The following FRAS1 variants were observed in gnomAD, a reference collection of about 807,000 sequenced individuals.
FRAS1 encodes Fraser extracellular matrix complex subunit 1, also known as extracellular matrix organizing protein FRAS1.
A neutral mutation model predicts 435.2 loss-of-function variants in FRAS1; 290 were observed. The ratio of observed to expected loss-of-function variants is 0.67; its 90% CI spans 0.61 to 0.73. FRAS1 has a LOEUF of 0.73. FRAS1 is among the 30% of genes least tolerant of loss of function. The pLI, the probability that FRAS1 is intolerant of heterozygous loss-of-function variation, is 0.00. For synonymous variants in FRAS1, 1,800 were observed against 1,851.0 expected (o/e 0.97, Z 0.71); for missense variants, 4,860 against 5,001.5 (o/e 0.97, Z 0.85).
intron 44 of FRAS1, among the ~76,000 whole-genome samples, chr4:78,449,822 T>C (rs1278553915): frequency 6.6e-6 from 1 of 152,222 alleles, no homozygotes. Context: ...CTAGGAGTTA[T>C]TTTTGTCACA....
At chr4:78,254,486 G>A (rs998086339) in intron 5 of FRAS1, among the ~76,000 whole-genome samples, 1 of 152,106 alleles carries the variant, frequency 6.6e-6, no homozygotes, top group African/African-American at 2.4e-5. Flanking sequence ...ACCAGAAAAG[G>A]ACTGACAGAC....
chr4:78,494,458 G>T (rs955109233), intron 59 of FRAS1, among the ~76,000 whole-genome samples: 2 of 152,106 alleles, frequency 1.3e-5, no homozygotes, highest in Non-Finnish European at 2.9e-5. Flanking sequence ...AGGGGAGCAG[G>T]CATCATCACA....
At chr4:78,360,066 T>C (rs981580558) in intron 20 of FRAS1, among the ~76,000 whole-genome samples, 1 of 152,114 alleles carries the variant, frequency 6.6e-6, no homozygotes, top group Non-Finnish European at 1.5e-5. Flanking sequence ...ATTAGGAGGA[T>C]AGAAAAAGTT....
At chr4:78,391,028 T>G (rs1409285286) in intron 29 of FRAS1, among the ~76,000 whole-genome samples, 1 of 152,146 alleles carries the variant, frequency 6.6e-6, no homozygotes, top group Non-Finnish European at 1.5e-5. Flanking sequence ...TTCAGTACCT[T>G]TTTTGGTTTT....
intron 6 of FRAS1, among the ~76,000 whole-genome samples, chr4:78,255,603 G>A (rs1222388762): frequency 6.6e-6 from 1 of 152,176 alleles, no homozygotes; most frequent in Admixed American, 6.5e-5. Context: ...TAATGCAACT[G>A]AGCCTTGAGG....
intron 61 of FRAS1, among the ~76,000 whole-genome samples, chr4:78,500,635 T>C (rs1720646883): frequency 6.6e-6 from 1 of 152,152 alleles, no homozygotes; most frequent in Non-Finnish European, 1.5e-5. Flanking sequence ...TTTTTAGAGC[T>C]GTCTTGGCAA....
At chr4:78,502,202 C>T (rs954620993) in intron 61 of FRAS1, among the ~76,000 whole-genome samples, 1 of 152,252 alleles carries the variant, frequency 6.6e-6, no homozygotes, top group African/African-American at 2.4e-5. Context: ...GCAATGAGGG[C>T]TCTTTTTTGG....
In FRAS1 at chr4:78,065,994, T is replaced by C. The variant is rs767332128; in HGVS notation, c.86T>C (p.Val29Ala). The C allele has an allele frequency of 6.2e-7, 1 of 1,607,432 alleles. No individual in the cohort carries two copies. Among genetic ancestry groups the C allele is most frequent in the South Asian group, 1.1e-5 (1 of 90,702 alleles). The stretch of plus-strand genomic sequence containing the variant: ...TTGTTTTTCCCCACAGGTGCTTGTG[T>C]CTATCAGGATTCCTTGTTGGCGGTA... ...VLPHHSEGACVYQDSLLADAT... is the reference protein window; with the variant it reads ...VLPHHSEGACAYQDSLLADAT... The change falls in exon 2 of 74, where the codon GTC (valine) becomes GCC (alanine). Residue 29 changes from valine (V) to alanine (A), a missense_variant. Physicochemically the swap from Val to Ala is moderately conservative, Grantham distance 64 (BLOSUM62 0). Coordinates refer to ENST00000512123, the MANE Select transcript of FRAS1 (RefSeq NM_025074.7).
chr4:78,251,243 A>G (rs528791331), intron 4 of FRAS1, among the ~76,000 whole-genome samples: 3 of 152,230 alleles, frequency 2.0e-5, no homozygotes, highest in Non-Finnish European at 4.4e-5. Flanking sequence ...AGCAGAAGTA[A>G]GAATGGATGG....
chr4:78,140,718 T>C (rs1349896352), intron 2 of FRAS1, among the ~76,000 whole-genome samples: 9 of 148,506 alleles, frequency 6.1e-5, no homozygotes, highest in African/African-American at 2.3e-4. Flanking sequence ...TACGTGTGTG[T>C]ATATGTATAT....
chr4:78,369,491 A>AAGGGGG (rs1185733092), intron 22 of FRAS1, among the ~76,000 whole-genome samples: 1 of 152,226 alleles, frequency 6.6e-6, no homozygotes, highest in African/African-American at 2.4e-5. Flanking sequence ...TTATGAACTT[A>AAGGGGG]AGGGGGCTTG....
intron 2 of FRAS1, among the ~76,000 whole-genome samples, chr4:78,112,612 G>T (rs1742807680): frequency 6.6e-6 from 1 of 152,034 alleles, no homozygotes; most frequent in Non-Finnish European, 1.5e-5. Flanking sequence ...AGTAGTACTT[G>T]TTCTTGCCAA....
intron 58 of FRAS1, 39 bp from the exon 59 acceptor site, chr4:78,488,836 C>T (rs1315095972): frequency 1.3e-6 from 2 of 1,577,018 alleles, no homozygotes; most frequent in Non-Finnish European, 1.7e-6. Flanking sequence ...TCCCTGTCTT[C>T]CACTAATGGT....
chr4:78,472,303 G>A lies in FRAS1; in HGVS notation c.7495G>A (p.Gly2499Ser). Residue 2499 changes from glycine (G) to serine (S), a missense_variant, in exon 52 of 74, where the codon GGC becomes AGC. By Grantham distance (56) the Gly-to-Ser change is moderately conservative. Transcript: ENST00000512123. ...CTTTGTGGAGAACAAGCTGCAGCCTGGCAGAGCTGCTGCCACTTTCACCCA... is the reference window on the plus strand; with the variant it reads ...CTTTGTGGAGAACAAGCTGCAGCCTAGCAGAGCTGCTGCCACTTTCACCCA... ...HGFVENKLQPGRAAATFTQED... is the reference protein window; with the variant it reads ...HGFVENKLQPSRAAATFTQED... 4 of 1,609,086 alleles carry A rather than the reference G, an allele frequency of 2.5e-6. No individual in the cohort carries two copies. Among genetic ancestry groups the A allele is most frequent in the Non-Finnish European group, 3.4e-6 (4 of 1,176,732 alleles).
At chr4:78,333,228 G>A (rs1003086128) in intron 18 of FRAS1, 44 bp from the exon 19 acceptor site, 20 of 1,579,150 alleles carry the variant, frequency 1.3e-5, no homozygotes, top group African/African-American at 4.1e-5. Flanking sequence ...TCTGTGTCAC[G>A]TGGGGCTTTC....
intron 2 of FRAS1, among the ~76,000 whole-genome samples, chr4:78,213,570 A>G (rs1395669971): frequency 3.3e-5 from 5 of 152,232 alleles, no homozygotes; most frequent in Non-Finnish European, 7.3e-5. Flanking sequence ...GAGTAAGCAC[A>G]TAGAGCTTTT....
chr4:78,084,801 T>G (rs2109882905), intron 2 of FRAS1, among the ~76,000 whole-genome samples: 1 of 152,238 alleles, frequency 6.6e-6, no homozygotes, highest in South Asian at 2.1e-4. Context: ...AGCTAATTAT[T>G]GTTACTGGAT....
chr4:78,492,957 A>T (rs1720406690), intron 59 of FRAS1, among the ~76,000 whole-genome samples: 2 of 152,232 alleles, frequency 1.3e-5, no homozygotes, highest in African/African-American at 2.4e-5. Context: ...AAACAAATTT[A>T]CAAGGAAAAA....
At chr4:78,498,202 A>G (rs11736198) in intron 60 of FRAS1, among the ~76,000 whole-genome samples, 45,371 of 152,114 alleles carry the variant, frequency 0.3, 7,794 homozygotes, top group Admixed American at 0.39. Context: ...CATGTATCCC[A>G]GAACTTAAAG....
Sources: gnomAD v4.1 joint callset for allele counts (sites outside exome capture counted in the v4.1 genomes callset) on GRCh38, gnomAD v4.1.1 for gene constraint, MANE v1.5 for transcripts, NCBI Gene and HGNC (gene_info 2026-07-23, HGNC 2026-07-21) for gene names.